The following XXYLT1 variants were observed in gnomAD, a reference collection of about 807,000 sequenced individuals.
The protein encoded by XXYLT1 is xyloside xylosyltransferase 1, also known as UDP-xylose:alpha-xyloside alpha-1,3-xylosyltransferase.
A neutral mutation model predicts 28.9 loss-of-function variants in XXYLT1; 20 were observed. The ratio of observed to expected loss-of-function variants is 0.69; its 90% CI spans 0.49 to 1.00. XXYLT1 has a LOEUF of 1.00. Ranked by LOEUF, XXYLT1 falls within the 50% of genes least tolerant of loss-of-function variation. The pLI is 0.00. For missense variants in XXYLT1, 542 were observed against 560.1 expected, an observed-to-expected ratio of 0.97 and a Z score of 0.33; for synonymous variants, 257 against 253.8, an observed-to-expected ratio of 1.01 and a Z score of -0.12.
At chr3:195,254,817 C>T (rs1242003799) in intron 1 of XXYLT1, among the ~76,000 whole-genome samples, 1 of 152,236 alleles carries the variant, frequency 6.6e-6, no homozygotes, top group Non-Finnish European at 1.5e-5. Context: ...AGTCACTTAA[C>T]GTCGCCCTCA....
intron 1 of XXYLT1, among the ~76,000 whole-genome samples, chr3:195,253,011 G>A (rs1408828260): frequency 6.6e-6 from 1 of 152,136 alleles, no homozygotes; most frequent in East Asian, 1.9e-4. Flanking sequence ...AGGGAACGTG[G>A]GAAAATGAAG....
chr3:195,116,602 G>A (rs907059029), intron 3 of XXYLT1, among the ~76,000 whole-genome samples: 1 of 152,140 alleles, frequency 6.6e-6, no homozygotes, highest in African/African-American at 2.4e-5. Context: ...AGCTCTCACC[G>A]GCTTGCAACT....
At chr3:195,214,698 G>A (rs1723483396) in intron 2 of XXYLT1, 1 of 152,052 alleles carries the variant, frequency 6.6e-6, no homozygotes, top group Non-Finnish European at 1.5e-5. Flanking sequence ...CTGTACCCCA[G>A]GTTCCAGAAC....
At chr3:195,213,687 G>A (rs1167473099) in intron 2 of XXYLT1, among the ~76,000 whole-genome samples, 2 of 152,240 alleles carry the variant, frequency 1.3e-5, no homozygotes, top group African/African-American at 4.8e-5. Context: ...AAAGCTAAAT[G>A]TTTTTTACTG....
At chr3:195,201,100 T>C (rs912703883) in intron 2 of XXYLT1, among the ~76,000 whole-genome samples, 1 of 152,220 alleles carries the variant, frequency 6.6e-6, no homozygotes, top group Non-Finnish European at 1.5e-5. Context: ...AAGTATTTGA[T>C]AAAGCTCTCT....
chr3:195,213,871 A>C (rs1009696863), intron 2 of XXYLT1, among the ~76,000 whole-genome samples: 22 of 152,210 alleles, frequency 1.4e-4, no homozygotes, highest in African/African-American at 4.8e-4. Context: ...TTACAGACAA[A>C]GAATGCTGCT....
In XXYLT1 at chr3:195,069,514, C is replaced by T; in HGVS notation, c.*201G>A. 7.4e-6 allele frequency: 5 copies of T among 679,476 alleles called. No homozygotes were observed. Among genetic ancestry groups the T allele is most frequent in the Non-Finnish European group, 7.2e-6 (3 of 417,652 alleles). 42.1% of individuals were successfully genotyped at this position (679,476 alleles called of 1,614,324 possible). A position where few individuals can be genotyped will look rare whatever the true frequency, so the allele number is the denominator to read the frequency against. On this transcript the variant is annotated 3_prime_UTR_variant, in exon 4 of 4. Transcript: ENST00000310380. ...CCTGCTCCCTGGAGGAATAAGGTCC[C>T]AAGCACCAGCAGTGCACAGGCCAGT...
At chr3:195,222,464 C>A (rs1007890609) in intron 2 of XXYLT1, among the ~76,000 whole-genome samples, 2 of 152,188 alleles carry the variant, frequency 1.3e-5, no homozygotes, top group Non-Finnish European at 2.9e-5. Flanking sequence ...GAGTCGACAA[C>A]CCTGGGCGGC....
intron 3 of XXYLT1, among the ~76,000 whole-genome samples, chr3:195,073,224 G>C (rs1315031886): frequency 6.6e-6 from 1 of 152,214 alleles, no homozygotes; most frequent in Non-Finnish European, 1.5e-5. Context: ...AATTTGGGTG[G>C]CACCGGCCGA....
chr3:195,255,168 G>C lies in XXYLT1; in HGVS notation c.504+15387C>G, dbSNP rs1394091314. Among the ~76,000 whole-genome samples the C allele has an allele frequency of 1.3e-5, 2 of 152,220 alleles. No homozygotes were observed. The highest frequency in any genetic ancestry group is 4.8e-5 in the African/African-American group (2 of 41,456). On this transcript the variant is annotated intron_variant, in intron 1 of 3. Transcript: ENST00000310380. This position sits in a 1 kb window ranked among gnomAD's most constrained non-coding sequence, Gnocchi z 4.5. The stretch of plus-strand genomic sequence containing the variant: ...AGGGAATGCAGTCCCTCAGCAAGGA[G>C]CTTCAGTCGGACTAAACCAGCAGAA...
chr3:195,158,108 G>A (rs1241035182), intron 2 of XXYLT1, among the ~76,000 whole-genome samples: 1 of 152,186 alleles, frequency 6.6e-6, no homozygotes, highest in African/African-American at 2.4e-5. Context: ...AGGAAGGGCC[G>A]TGCATTTAGT....
intron 1 of XXYLT1, 136 bp from the exon 2 acceptor site, chr3:195,226,992 A>T: frequency 1.9e-6 from 2 of 1,057,736 alleles, no homozygotes; most frequent in Non-Finnish European, 2.7e-6. Context: ...GGATGGGGCT[A>T]GGGGTAGCAA....
intron 3 of XXYLT1, chr3:195,085,951 C>T (rs1371560178): frequency 6.6e-6 from 1 of 152,296 alleles, no homozygotes; most frequent in Non-Finnish European, 1.5e-5. Flanking sequence ...CTCACTATGA[C>T]TCGGTGGTGC....
chr3:195,192,288 G>C (rs1166894745), intron 2 of XXYLT1, among the ~76,000 whole-genome samples: 1 of 152,078 alleles, frequency 6.6e-6, no homozygotes, highest in Non-Finnish European at 1.5e-5. Flanking sequence ...CGCCAGGTGT[G>C]GTGGCATGCA....
chr3:195,255,084 C>G lies in XXYLT1; in HGVS notation c.504+15471G>C, dbSNP rs140345818. The stretch of plus-strand genomic sequence containing the variant: ...CAGGCTGGGAAATTCACCAGCACTG[C>G]GGACAGAGCAGGGGATAACAGCAGC... On this transcript the variant is annotated intron_variant, in intron 1 of 3. Coordinates refer to ENST00000310380, the MANE Select transcript of XXYLT1 (RefSeq NM_152531.5). The surrounding 1 kb of genome is among the most constrained non-coding windows in gnomAD (Gnocchi z 4.5). 6.6e-6 allele frequency among the ~76,000 whole-genome samples: 1 copy of G among 152,182 alleles called. No homozygotes were observed. Among genetic ancestry groups the G allele is most frequent in the Non-Finnish European group, 1.5e-5 (1 of 68,042 alleles).
chr3:195,219,090 T>C (rs1723704960), intron 2 of XXYLT1, among the ~76,000 whole-genome samples: 2 of 150,758 alleles, frequency 1.3e-5, no homozygotes, highest in South Asian at 2.1e-4. Context: ...CAGCATATTC[T>C]CACTCATAGG....
At chr3:195,127,051 G>C (rs541580598) in intron 3 of XXYLT1, among the ~76,000 whole-genome samples, 13 of 152,308 alleles carry the variant, frequency 8.5e-5, no homozygotes, top group African/African-American at 3.1e-4. Flanking sequence ...GCCAGGCTAA[G>C]AAAATGAAAG....
At chr3:195,116,116 G>A (rs777822497) in intron 3 of XXYLT1, among the ~76,000 whole-genome samples, 8 of 152,198 alleles carry the variant, frequency 5.3e-5, no homozygotes, top group Non-Finnish European at 8.8e-5. Context: ...AAGGCAGAGG[G>A]GCGCTGTGTT....
intron 2 of XXYLT1, among the ~76,000 whole-genome samples, chr3:195,163,469 C>T (rs1169151766): frequency 6.6e-6 from 1 of 152,222 alleles, no homozygotes; most frequent in East Asian, 1.9e-4. Context: ...CAGGGCCTGT[C>T]CACTGCAGCC....
Sources: gnomAD v4.1 joint callset for allele counts (sites outside exome capture counted in the v4.1 genomes callset) on GRCh38, gnomAD v4.1.1 for gene constraint, Gnocchi (gnomAD v3.1) non-coding constraint, MANE v1.5 for transcripts, NCBI Gene and HGNC (gene_info 2026-07-23, HGNC 2026-07-21) for gene names.